Variants in PRR12 observed in about 807,000 individuals in gnomAD.
The protein encoded by PRR12 is proline-rich protein 12.
In PRR12, 12 loss-of-function variants were observed where a neutral mutation model predicts 138.0. The observed-to-expected ratio is 0.09, with a 90% CI of 0.06 to 0.14. The LOEUF is 0.14. PRR12 is among the 10% of genes least tolerant of loss of function. The pLI is 1.00. For synonymous variants in PRR12, 1,567 were observed against 1,291.7 expected (o/e 1.21, Z -4.57); for missense variants, 2,692 against 2,861.3 (o/e 0.94, Z 1.35).
Position 49,624,924 on chromosome 19 carries a change from G to A in PRR12, c.5802G>A (p.Arg1934=). The change falls in exon 12 of 14, where the codon CGG becomes CGA. Residue 1934 remains arginine (R), a synonymous_variant. Coordinates refer to ENST00000418929, the MANE Select transcript of PRR12 (RefSeq NM_020719.3). The stretch of plus-strand genomic sequence containing the variant: ...CGGAAGAGGGGGCTGTGCGGCTGCG[G>A]CCTGCTGGGGAACCCTACAACCGCA... ...GSPEEGAVRL[R]PAGEPYNRKT... The A allele has an allele frequency of 6.2e-7, 1 of 1,603,158 alleles. No individual in the cohort carries two copies. Among genetic ancestry groups the A allele is most frequent in the Non-Finnish European group, 8.5e-7 (1 of 1,174,470 alleles).
At chr19:49,618,383 C>A (rs970457977) in intron 9 of PRR12, among the ~76,000 whole-genome samples, 1 of 150,464 alleles carries the variant, frequency 6.6e-6, no homozygotes, top group Admixed American at 6.6e-5. Context: ...ACCTCTTTTC[C>A]TTTTCTTTTC....
At chr19:49,610,832 T>C (rs574830066) in intron 6 of PRR12, among the ~76,000 whole-genome samples, 8 of 152,014 alleles carry the variant, frequency 5.3e-5, no homozygotes, top group Admixed American at 4.6e-4. Flanking sequence ...TGTGAGCCAC[T>C]GCGCCCGGCC....
rs1402666644 is a variant in PRR12 at position 49,595,568 on chromosome 19, G to A, written c.1233G>A (p.Ser411=). The change falls in exon 4 of 14, where the codon TCG becomes TCA. Residue 411 remains serine (S), a synonymous_variant. Transcript: ENST00000418929. ...GGATRPPPPR[S]TATPKCQSLG... is the part of the protein sequence containing the mutation. ...CCACCAGGCCCCCCCCACCCCGTTC[G>A]ACCGCCACCCCCAAATGTCAGAGCC... 12 of 1,595,940 alleles carry A rather than the reference G, an allele frequency of 7.5e-6. No homozygotes were observed. The highest frequency in any genetic ancestry group is 2.3e-5 in the East Asian group (1 of 44,116).
rs774569023 is a variant in PRR12, at chr19:49,625,625, A to AG, written c.*24dup. 39 of 1,585,214 alleles carry AG rather than the reference A, an allele frequency of 2.5e-5. No homozygotes were observed. The highest frequency in any genetic ancestry group is 2.9e-5 in the Non-Finnish European group (34 of 1,164,662). The stretch of plus-strand genomic sequence containing the variant: ...GCGGGTGACCCCGCCCCAGCTTGTG[A>AG]GGGGGGCGCCTCCTCCATGAACCGA... On this transcript the variant is annotated 3_prime_UTR_variant, in exon 14 of 14. Coordinates refer to ENST00000418929, the MANE Select transcript of PRR12 (RefSeq NM_020719.3). This position sits in a 1 kb window ranked among gnomAD's most constrained non-coding sequence, Gnocchi z 5.5.
At position 49,601,677 on chromosome 19, in the gene PRR12, C is replaced by T. The variant is rs1408323376; in HGVS notation, c.4532C>T (p.Ser1511Leu). The T allele has an allele frequency of 9.1e-6, 14 of 1,538,388 alleles. No homozygotes were observed. The highest frequency in any genetic ancestry group is 4.9e-5 in the East Asian group (2 of 40,876). ...CCGCCACCTCCACCAGCCATGCCCTCGCCTCCACCACCACCCCCACCAGCC... is the reference window on the plus strand; with the variant it reads ...CCGCCACCTCCACCAGCCATGCCCTTGCCTCCACCACCACCCCCACCAGCC... The part of the protein sequence containing the change: ...LPPPPPPAMP[S>L]PPPPPPPAAA... Residue 1511 changes from serine to leucine, a missense_variant, in exon 6 of 14, where the codon TCG (serine) becomes TTG (leucine). Physicochemically the swap from Ser to Leu is moderately radical, Grantham distance 145. Coordinates refer to ENST00000418929, the MANE Select transcript of PRR12 (RefSeq NM_020719.3).
intron 2 of PRR12, among the ~76,000 whole-genome samples, 159 bp downstream of exon 2, chr19:49,593,598 G>T (rs1216686745): frequency 6.6e-6 from 1 of 151,888 alleles, no homozygotes; most frequent in African/African-American, 2.4e-5. Flanking sequence ...TGAGGCTGCT[G>T]GTCGCTGCTT....
chr19:49,614,975 C>T lies in PRR12; in HGVS notation c.4990C>T (p.Arg1664Trp). 1 of 1,613,946 alleles carries T rather than the reference C, an allele frequency of 6.2e-7. No homozygotes were observed. The highest frequency in any genetic ancestry group is 8.5e-7 in the Non-Finnish European group (1 of 1,179,886). ...GAAGGACTACGTGAGGGTCTGTGCTCGGAAACCCTGGCATCGGCCCCCAGT... is the reference window on the plus strand; with the variant it reads ...GAAGGACTACGTGAGGGTCTGTGCTTGGAAACCCTGGCATCGGCCCCCAGT... ...NKKDYVRVCA[R>W]KPWHRPPVPV... is the part of the protein sequence containing the mutation. The change falls in exon 8 of 14, where the codon CGG (arginine) becomes TGG (tryptophan). Residue 1664 changes from arginine to tryptophan, a missense_variant. By Grantham distance (101) the Arg-to-Trp change is moderately radical. Coordinates refer to ENST00000418929, the MANE Select transcript of PRR12 (RefSeq NM_020719.3). The surrounding 1 kb of genome is among the most constrained non-coding windows in gnomAD (Gnocchi z 5.0).
At chr19:49,610,732 A>G (rs1484373092) in intron 6 of PRR12, among the ~76,000 whole-genome samples, 1 of 151,542 alleles carries the variant, frequency 6.6e-6, no homozygotes, top group Admixed American at 6.6e-5. Context: ...TTTAGTAGAG[A>G]CGGGGTTTCA....
In PRR12 at chr19:49,625,043, G is replaced by C; in HGVS notation, c.5868+53G>C. 6.2e-7 allele frequency: 1 copy of C among 1,612,126 alleles called. No individual in the cohort carries two copies. Among genetic ancestry groups the C allele is most frequent in the African/African-American group, 1.3e-5 (1 of 74,982 alleles). On this transcript the variant is annotated intron_variant, in intron 12 of 13. Transcript: ENST00000418929. This position sits in a 1 kb window ranked among gnomAD's most constrained non-coding sequence, Gnocchi z 5.5. The stretch of plus-strand genomic sequence containing the variant: ...GGGGAGTGCTGGCGGTATGTGGGAA[G>C]GGAGGAGAGGGGCTGCCAAGTGCCG...
Position 49,595,647 on chromosome 19 carries a change from G to T in PRR12, c.1312G>T (p.Ala438Ser). 6.2e-7 allele frequency: 1 copy of T among 1,604,792 alleles called. No individual in the cohort carries two copies. The highest frequency in any genetic ancestry group is 8.5e-7 in the Non-Finnish European group (1 of 1,176,352). ...TGGGAAGGCCTCTGGGGCTGGAGGG[G>T]CAGGGGGCCAGGCTTATTCCCCCGG... ...ATGKASGAGG[A>S]GGQAYSPGQP... is the part of the protein sequence containing the mutation. The change falls in exon 4 of 14, where the codon GCA (alanine) becomes TCA (serine). Residue 438 changes from alanine (A) to serine (S), a missense_variant. This residue lies in a region of PRR12 where 523 missense variants were observed against 496.4 expected (regional missense o/e 1.05). Transcript: ENST00000418929.
At chr19:49,605,649 A>G (rs1798792032) in intron 6 of PRR12, among the ~76,000 whole-genome samples, 1 of 152,258 alleles carries the variant, frequency 6.6e-6, no homozygotes, top group African/African-American at 2.4e-5. Context: ...TCAAATGAAC[A>G]GGGCCCTGGG....
rs1599784114 is a variant in PRR12, at chr19:49,594,916, C to T, written c.581C>T (p.Ser194Leu). 2 of 1,608,020 alleles carry T rather than the reference C, an allele frequency of 1.2e-6. No individual in the cohort carries two copies. Among genetic ancestry groups the T allele is most frequent in the South Asian group, 1.1e-5 (1 of 90,180 alleles). The change falls in exon 4 of 14, where the codon TCG becomes TTG. Residue 194 changes from serine (S) to leucine (L), a missense_variant. Physicochemically the swap from Ser to Leu is moderately radical, Grantham distance 145. This residue lies in a region of PRR12 where 523 missense variants were observed against 496.4 expected (regional missense o/e 1.05). Transcript: ENST00000418929. The surrounding 1 kb of genome is among the most constrained non-coding windows in gnomAD (Gnocchi z 5.6). ...CATGACGTGCTGCACCTGAAGCCCT[C>T]GCAGGCACCCACGGTGCCCTCTTCA... Reference protein sequence around the residue: ...SPHDVLHLKPSQAPTVPSSLG... With the variant: ...SPHDVLHLKPLQAPTVPSSLG...
chr19:49,610,039 A>G (rs888032040), intron 6 of PRR12, among the ~76,000 whole-genome samples: 6 of 151,398 alleles, frequency 4.0e-5, no homozygotes, highest in African/African-American at 1.5e-4. Context: ...CGATGGCGCG[A>G]TCTCGGCTCA....
At chr19:49,622,007 C>T (rs2080925981) in intron 11 of PRR12, among the ~76,000 whole-genome samples, 1 of 152,204 alleles carries the variant, frequency 6.6e-6, no homozygotes, top group African/African-American at 2.4e-5. Flanking sequence ...TATGATTTCC[C>T]TTCTGGGATA....
intron 11 of PRR12, 48 bp downstream of exon 11, chr19:49,621,670 G>A (rs59642327): frequency 0.038 from 55,466 of 1,444,048 alleles, 1,523 homozygotes; most frequent in South Asian, 0.1. Context: ...GGGTCCACAT[G>A]GAGAAGACAT....
rs1209279173 is a variant in PRR12 at position 49,601,642 on chromosome 19, G to T, written c.4497G>T (p.Pro1499=). 1 of 1,533,944 alleles carries T rather than the reference G, an allele frequency of 6.5e-7. No individual in the cohort carries two copies. Among genetic ancestry groups the T allele is most frequent in the South Asian group, 1.2e-5 (1 of 83,084 alleles). The change falls in exon 6 of 14, where the codon CCG becomes CCT. Residue 1499 remains proline, a synonymous_variant. Transcript: ENST00000418929. ...CCACGCCCAGCTCACCACCGCCACC[G>T]CCGCTGCCGCCGCCACCTCCACCAG... The part of the protein sequence containing the change: ...VAPTPSSPPP[P]PLPPPPPPAM...
At position 49,625,740 on chromosome 19, in the gene PRR12, C is replaced by A; in HGVS notation, c.*133C>A. Reference sequence around the variant, plus strand: ...CATGGGTCAGGGTGTGTCTGTGCTGCCCCCTCCAGGGCAGGGTTCAAAGTC... The same window carrying A: ...CATGGGTCAGGGTGTGTCTGTGCTGACCCCTCCAGGGCAGGGTTCAAAGTC... On this transcript the variant is annotated 3_prime_UTR_variant, in exon 14 of 14. Coordinates refer to ENST00000418929, the MANE Select transcript of PRR12 (RefSeq NM_020719.3). The surrounding 1 kb of genome is among the most constrained non-coding windows in gnomAD (Gnocchi z 5.5). 8.1e-7 allele frequency: 1 copy of A among 1,237,200 alleles called. No individual in the cohort carries two copies. Among genetic ancestry groups the A allele is most frequent in the Non-Finnish European group, 1.1e-6 (1 of 935,504 alleles). The allele number at this position is 1,237,200 out of a possible 1,614,324, so 76.6% of individuals were successfully genotyped here.
Position 49,599,343 on chromosome 19 carries a change from C to G in PRR12, c.3750C>G (p.Asp1250Glu). The change falls in exon 5 of 14, where the codon GAC becomes GAG. Residue 1250 changes from aspartate (D) to glutamate (E), a missense_variant. By Grantham distance (45) the Asp-to-Glu change is conservative. This residue lies in a region of PRR12 where 326 missense variants were observed against 344.2 expected (regional missense o/e 0.95). Transcript: ENST00000418929. The surrounding 1 kb of genome is among the most constrained non-coding windows in gnomAD (Gnocchi z 5.0). ...TSSGDAISGT[D>E]HNSLDSSLTR... ...CGGGTGATGCCATATCAGGCACTGACCACAACAGCCTGGACTCGAGCCTGA... is the reference window on the plus strand; with the variant it reads ...CGGGTGATGCCATATCAGGCACTGAGCACAACAGCCTGGACTCGAGCCTGA... 2 of 1,613,282 alleles carry G rather than the reference C, an allele frequency of 1.2e-6. No homozygotes were observed. Among genetic ancestry groups the G allele is most frequent in the South Asian group, 1.1e-5 (1 of 91,010 alleles).
chr19:49,602,236 G>A (rs545579378), intron 6 of PRR12, among the ~76,000 whole-genome samples: 42 of 152,262 alleles, frequency 2.8e-4, no homozygotes, highest in African/African-American at 9.9e-4. Context: ...TGCTGTGGGT[G>A]GTAGAGGACC....
Sources: allele counts gnomAD v4.1 joint callset (sites outside exome capture counted in the v4.1 genomes callset), GRCh38; gene constraint gnomAD v4.1.1; regional missense constraint gnomAD v4.1.1; non-coding constraint Gnocchi (gnomAD v3.1); transcripts MANE v1.5; gene names NCBI Gene and HGNC (gene_info 2026-07-23, HGNC 2026-07-21).